TJP2: variants seen among roughly 807,000 people sequenced by gnomAD.
TJP2 encodes tight junction protein 2.
Under a neutral mutation model 133.1 loss-of-function variants are expected in TJP2, and 91 were observed. The observed-to-expected ratio is 0.68, with a 90% CI of 0.58 to 0.81. The LOEUF (loss-of-function observed/expected upper bound fraction) is 0.81, where lower values mean the gene tolerates loss of function less well. Among genes scored for constraint, TJP2 ranks in the 40% least tolerant of loss-of-function variants. TJP2 has a pLI of 0.00. For missense variants in TJP2, 1,541 were observed against 1,565.6 expected (o/e 0.98, Z 0.26); for synonymous variants, 592 against 583.4 (o/e 1.01, Z -0.21).
intron 6 of TJP2, among the ~76,000 whole-genome samples, chr9:69,225,760 C>T (rs1435983556): frequency 6.6e-6 from 1 of 152,186 alleles, no homozygotes; most frequent in Non-Finnish European, 1.5e-5. Context: ...AGTCAGGAAA[C>T]ACGTTCCAGT....
chr9:69,227,996 G>T lies in TJP2; in HGVS notation c.1335G>T (p.Thr445=). 6.2e-7 allele frequency: 1 copy of T among 1,614,142 alleles called. No homozygotes were observed. Among genetic ancestry groups the T allele is most frequent in the Non-Finnish European group, 8.5e-7 (1 of 1,180,018 alleles). ...TGTGATTCAGTTCCAGAGAGGACACGCCGAGCAGATTGTCCAGGATGGGTG... is the reference window on the plus strand; with the variant it reads ...TGTGATTCAGTTCCAGAGAGGACACTCCGAGCAGATTGTCCAGGATGGGTG... ...LKERPSSRED[T]PSRLSRMGAT... Residue 445 remains threonine (T), a synonymous_variant, in exon 9 of 23, where the codon ACG becomes ACT. Coordinates refer to ENST00000377245, the MANE Select transcript of TJP2 (RefSeq NM_004817.4).
Position 69,237,150 on chromosome 9 carries a change from A to G in TJP2, c.2179+14A>G, listed in dbSNP as rs1830249167. The G allele has an allele frequency of 6.2e-6, 10 of 1,613,972 alleles. No individual in the cohort carries two copies. The highest frequency in any genetic ancestry group is 7.6e-6 in the Non-Finnish European group (9 of 1,179,910). On this transcript the variant is annotated intron_variant, in intron 14 of 22. Transcript: ENST00000377245. ...TGCTGCGAGAAGGTGAGGAAGTCAC[A>G]TGGGGCCTGGAAATGAACTGACTGG...
chr9:69,238,469 G>A (rs1270004199), intron 15 of TJP2, among the ~76,000 whole-genome samples: 1 of 151,648 alleles, frequency 6.6e-6, no homozygotes. Context: ...AAATAACTTT[G>A]TTACACTGAT....
chr9:69,220,728 T>G (rs903004064), intron 4 of TJP2, among the ~76,000 whole-genome samples, 159 bp from the exon 5 acceptor site: 1 of 152,226 alleles, frequency 6.6e-6, no homozygotes, highest in African/African-American at 2.4e-5. Flanking sequence ...TCTAACCCTG[T>G]GAGATTTTTA....
intron 2 of TJP2, among the ~76,000 whole-genome samples, chr9:69,160,430 C>A (rs548881783): frequency 6.6e-6 from 1 of 152,268 alleles, no homozygotes; most frequent in Non-Finnish European, 1.5e-5. Flanking sequence ...CTTCTACAAA[C>A]CTGATTTTGT....
chr9:69,247,824 A>C (rs1300554486), intron 18 of TJP2, among the ~76,000 whole-genome samples, 188 bp from the exon 19 acceptor site: 1 of 152,188 alleles, frequency 6.6e-6, no homozygotes, highest in Non-Finnish European at 1.5e-5. Context: ...GAGTTCCTGC[A>C]CAAAAACGAC....
chr9:69,216,977 A>C (rs1828432514), intron 3 of TJP2, among the ~76,000 whole-genome samples: 2 of 132,442 alleles, frequency 1.5e-5, no homozygotes, highest in South Asian at 5.0e-4. Flanking sequence ...TTTTTAATAA[A>C]TTTTTTCTTT....
In TJP2 at chr9:69,235,544, G is replaced by A. The variant is rs186272307; in HGVS notation, c.1781-484G>A. Among the ~76,000 whole-genome samples the A allele has an allele frequency of 8.7e-3, 1,325 of 151,972 alleles. 11 individuals carry two copies. The highest frequency in any genetic ancestry group is 0.015 in the Non-Finnish European group (989 of 67,974). On this transcript the variant is annotated intron_variant, in intron 12 of 22. Coordinates refer to ENST00000377245, the MANE Select transcript of TJP2 (RefSeq NM_004817.4). ...TCACTGTGTTAGCCAGGATGGTCTCGATCTCCTGACCTTGTGATCCACCCA... is the reference window on the plus strand; with the variant it reads ...TCACTGTGTTAGCCAGGATGGTCTCAATCTCCTGACCTTGTGATCCACCCA...
intron 15 of TJP2, 57 bp downstream of exon 15, chr9:69,238,030 A>G (rs1347084907): frequency 1.5e-6 from 2 of 1,290,382 alleles, no homozygotes; most frequent in African/African-American, 1.5e-5. Context: ...AATTTCTAAC[A>G]GAGGAGTTGG....
At chr9:69,121,325 G>A, upstream of TJP2, 1 of 985,144 alleles carries the variant, frequency 1.0e-6, no homozygotes, top group Non-Finnish European at 1.2e-6. Flanking sequence ...TCTCCCTCCC[G>A]GGGCTCGCGC....
chr9:69,160,723 C>G (rs999489115), intron 2 of TJP2, among the ~76,000 whole-genome samples: 3 of 152,234 alleles, frequency 2.0e-5, no homozygotes, highest in Non-Finnish European at 4.4e-5. Context: ...ATTGGACTCA[C>G]AGTTCCACAT....
chr9:69,221,420 A>G lies in TJP2; in HGVS notation c.876A>G (p.Ser292=). 2 of 1,586,322 alleles carry G rather than the reference A, an allele frequency of 1.3e-6. No individual in the cohort carries two copies. The highest frequency in any genetic ancestry group is 1.7e-6 in the Non-Finnish European group (2 of 1,166,436). The change falls in exon 5 of 23, where the codon TCA becomes TCG. Residue 292 remains serine (S), a synonymous_variant. Coordinates refer to ENST00000377245, the MANE Select transcript of TJP2 (RefSeq NM_004817.4). Reference sequence around the variant, plus strand: ...GCCGCAGCCGCGAGCACCCGCACTCACGGAGCCCCAGCCCCGAGCCTAGGG... The same window carrying G: ...GCCGCAGCCGCGAGCACCCGCACTCGCGGAGCCCCAGCCCCGAGCCTAGGG... The part of the protein sequence containing the change: ...PRSRSREHPH[S]RSPSPEPRGR...
intron 1 of TJP2, among the ~76,000 whole-genome samples, chr9:69,133,201 A>G (rs1268705096): frequency 6.6e-6 from 1 of 152,012 alleles, no homozygotes; most frequent in Non-Finnish European, 1.5e-5. Flanking sequence ...AGCTCAAGCA[A>G]CCCTCCTGCC....
chr9:69,161,474 G>A (rs56255321), intron 2 of TJP2, among the ~76,000 whole-genome samples: 4 of 151,968 alleles, frequency 2.6e-5, no homozygotes, highest in Non-Finnish European at 2.9e-5. Flanking sequence ...TGATCCATCC[G>A]CTTCAGCCTC....
chr9:69,146,970 C>G (rs1303151417), intron 1 of TJP2, among the ~76,000 whole-genome samples: 5 of 152,054 alleles, frequency 3.3e-5, no homozygotes, highest in Non-Finnish European at 7.4e-5. Context: ...CTTAGAGATG[C>G]TTTAGAATGG....
rs138333815 is a variant in TJP2 at position 69,249,431 on chromosome 9, C to T, written c.2937C>T (p.Ser979=). The T allele has an allele frequency of 9.6e-5, 155 of 1,611,796 alleles. No individual in the cohort carries two copies. The highest frequency in any genetic ancestry group is 2.3e-4 in the African/African-American group (17 of 74,988). Residue 979 remains serine (S), a synonymous_variant, in exon 20 of 23, where the codon AGC becomes AGT. Transcript: ENST00000377245. ...CTCAGATGAGGAGGGCTGCTAGCAG[C>T]GATCAACTTAGGGACAATAGCCCGC... The part of the protein sequence containing the change: ...PRAQMRRAAS[S]DQLRDNSPPP...
chr9:69,161,667 A>G (rs935862957), intron 2 of TJP2, among the ~76,000 whole-genome samples: 6 of 151,884 alleles, frequency 4.0e-5, no homozygotes, highest in Admixed American at 6.6e-5. Flanking sequence ...ACTATTATAT[A>G]TTATTAATAT....
chr9:69,141,897 T>C (rs1272012975), intron 1 of TJP2, among the ~76,000 whole-genome samples: 1 of 152,208 alleles, frequency 6.6e-6, no homozygotes, highest in African/African-American at 2.4e-5. Flanking sequence ...CTGCATTTAT[T>C]ATTTAAAACA....
chr9:69,207,403 T>C (rs1235186936), intron 1 of TJP2, among the ~76,000 whole-genome samples: 1 of 152,238 alleles, frequency 6.6e-6, no homozygotes, highest in East Asian at 1.9e-4. Flanking sequence ...TTCGTCTTCA[T>C]TGCAGTAAAA....
Sources: allele counts gnomAD v4.1 joint callset (sites outside exome capture counted in the v4.1 genomes callset), GRCh38; gene constraint gnomAD v4.1.1; transcripts MANE v1.5; gene names NCBI Gene and HGNC (gene_info 2026-07-23, HGNC 2026-07-21).